The following PEX5 variants were observed in gnomAD, a reference collection of about 807,000 sequenced individuals.
PEX5 encodes the protein PTS1 receptor.
Under a neutral mutation model 82.9 loss-of-function variants are expected in PEX5, and 52 were observed. That is an observed-to-expected ratio of 0.63 (90% confidence interval 0.50 to 0.79). The LOEUF (loss-of-function observed/expected upper bound fraction) is 0.79. PEX5 is among the 30% of genes least tolerant of loss of function. The probability of loss-of-function intolerance (pLI) is 0.00; values close to 1 mark genes in which losing one functional copy is unlikely to be tolerated. For synonymous variants in PEX5, 300 were observed against 318.8 expected (o/e 0.94, Z 0.63); for missense variants, 719 against 815.2 (o/e 0.88, Z 1.44).
At position 7,190,354 on chromosome 12, in the gene PEX5, T is replaced by C. The variant is rs766321937; in HGVS notation, c.-16-8T>C. ...GTACCTCAGTTCCAAACCTCCTGTGTCCATCAGAGAGCTGGCGGTCACCAT... is the reference window on the plus strand; with the variant it reads ...GTACCTCAGTTCCAAACCTCCTGTGCCCATCAGAGAGCTGGCGGTCACCAT... On this transcript the variant is annotated splice_polypyrimidine_tract_variant and splice_region_variant and intron_variant, in intron 1 of 15. Transcript: ENST00000675855. The C allele has an allele frequency of 1.9e-6, 3 of 1,613,950 alleles. No homozygotes were observed. The highest frequency in any genetic ancestry group is 1.7e-6 in the Non-Finnish European group (2 of 1,179,928).
intron 1 of PEX5, 195 bp downstream of exon 1, chr12:7,189,945 C>T: frequency 1.3e-6 from 2 of 1,488,808 alleles, no homozygotes. Context: ...TGCTCCTCTG[C>T]CGTGCTCACC....
intron 5 of PEX5, among the ~76,000 whole-genome samples, chr12:7,197,281 TGTA>T (rs1441427739): frequency 1.4e-5 from 2 of 139,090 alleles, no homozygotes; most frequent in African/African-American, 5.2e-5. Flanking sequence ...TCATATATAA[TGTA>T]ATAATTATAT....
intron 17 of PEX5, among the ~76,000 whole-genome samples, chr12:7,217,047 T>C (rs114999678): frequency 9.9e-4 from 151 of 152,354 alleles, no homozygotes; most frequent in African/African-American, 3.6e-3. Context: ...AGTGTTTCAT[T>C]TGAAAAAACC....
chr12:7,208,644 C>T lies in PEX5; in HGVS notation c.1369C>T (p.Arg457Cys), dbSNP rs199544306. ...TGGGGCAGGACTGGGCCCCAGCAAG[C>T]GTATCCTGGGATCTCTCTTGTCTGA... The part of the protein sequence containing the change: ...AGGAGLGPSK[R>C]ILGSLLSDSL... Residue 457 changes from arginine (R) to cysteine (C), a missense_variant, in exon 13 of 16, where the codon CGT becomes TGT. Physicochemically the swap from Arg to Cys is radical, Grantham distance 180. Transcript: ENST00000675855. The T allele has an allele frequency of 1.2e-5, 20 of 1,613,686 alleles. No individual in the cohort carries two copies. In the East Asian group the frequency reaches 2.2e-4, roughly 18 times the overall value.
intron 15 of PEX5, 66 bp downstream of exon 15, chr12:7,209,906 ATTC>A: frequency 6.2e-7 from 1 of 1,604,368 alleles, no homozygotes; most frequent in Non-Finnish European, 8.5e-7. Context: ...CTAGCTCCTT[ATTC>A]TTAGATCCTG....
downstream of PEX5, among the ~76,000 whole-genome samples, chr12:7,213,118 G>A (rs9739801): frequency 0.45 from 67,249 of 150,946 alleles, 16,043 homozygotes; most frequent in Admixed American, 0.61. Flanking sequence ...TCATGGGTAG[G>A]AAGAATCAAT....
At chr12:7,197,432 C>CAATGTAATTATATATGTCATATAT (rs1565688987) in intron 5 of PEX5, among the ~76,000 whole-genome samples, 3,800 of 84,612 alleles carry the variant, frequency 0.045, 94 homozygotes, top group Non-Finnish European at 0.064. Context: ...ATGTCATATA[C>CAATGTAATTATATATGTCATATAT]AATGTAATTA....
intron 5 of PEX5, among the ~76,000 whole-genome samples, chr12:7,196,406 CAT>C (rs201454695): frequency 0.052 from 6,793 of 130,978 alleles, 382 homozygotes; most frequent in South Asian, 0.19. Flanking sequence ...ATATATGTGT[CAT>C]ATATAATGTA....
At chr12:7,191,047 T>C (rs1940999910) in intron 3 of PEX5, 124 bp downstream of exon 3, 1 of 1,179,458 alleles carries the variant, frequency 8.5e-7, no homozygotes, top group African/African-American at 1.5e-5. Flanking sequence ...GCCTGCTTGT[T>C]TTTAAATGTA....
At chr12:7,197,283 TAATA>T (rs1364764040) in intron 5 of PEX5, among the ~76,000 whole-genome samples, 7 of 138,726 alleles carry the variant, frequency 5.0e-5, no homozygotes, top group African/African-American at 1.8e-4. Context: ...ATATATAATG[TAATA>T]ATTATATATG....
chr12:7,196,432 C>T (rs867876847), intron 5 of PEX5, among the ~76,000 whole-genome samples: 48 of 131,092 alleles, frequency 3.7e-4, no homozygotes, highest in African/African-American at 6.0e-4. Context: ...ATTATATGTG[C>T]CATATATAAT....
chr12:7,193,562 G>A (rs1197990936), intron 5 of PEX5, among the ~76,000 whole-genome samples: 1 of 152,128 alleles, frequency 6.6e-6, no homozygotes, highest in South Asian at 2.1e-4. Flanking sequence ...ATTGCCGCAA[G>A]TTAAAATCTG....
At chr12:7,205,581 G>C (rs1944665678) in intron 10 of PEX5, among the ~76,000 whole-genome samples, 1 of 152,220 alleles carries the variant, frequency 6.6e-6, no homozygotes, top group Admixed American at 6.5e-5. Context: ...ACCAGACCGT[G>C]TATCAGATAA....
At chr12:7,212,951 T>A (rs1945665252), downstream of PEX5, 1 of 152,152 alleles carries the variant, frequency 6.6e-6, no homozygotes, top group Non-Finnish European at 1.5e-5. Flanking sequence ...GTGCAGGACA[T>A]GACAAAGTCT....
In PEX5 at chr12:7,208,033, C is replaced by A. The variant is rs142895892; in HGVS notation, c.1134C>A (p.Thr378=). 31 of 1,613,722 alleles carry A rather than the reference C, an allele frequency of 1.9e-5. No individual in the cohort carries two copies. The highest frequency in any genetic ancestry group is 2.5e-5 in the Non-Finnish European group (30 of 1,179,778). ...AGGCTTGGCAGTATCTGGGTACCAC[C>A]CAGGCAGAGAATGAACAAGAACTAT... The part of the protein sequence containing the change: ...HMEAWQYLGT[T]QAENEQELLA... The change falls in exon 12 of 16, where the codon ACC becomes ACA. Residue 378 remains threonine (T), a synonymous_variant. Transcript: ENST00000675855.
At chr12:7,190,665 G>T in intron 2 of PEX5, 141 bp downstream of exon 2, 1 of 1,534,774 alleles carries the variant, frequency 6.5e-7, no homozygotes, top group Admixed American at 1.9e-5. Flanking sequence ...TGAGGTGGAG[G>T]GGCTGTTTGC....
chr12:7,211,783 T>TTCAGTGCTTAGGGTTTCTA (rs1482889652), downstream of PEX5, among the ~76,000 whole-genome samples: 1 of 152,178 alleles, frequency 6.6e-6, no homozygotes, highest in East Asian at 1.9e-4. Context: ...TTGATAGTTT[T>TTCAGTGCTTAGGGTTTCTA]TCAGTGCTTA....
At position 7,197,158 on chromosome 12, in the gene PEX5, CATATATAATGTAATTATAT is replaced by C. The variant is rs1565686558; in HGVS notation, c.449-1850_449-1832del. 1.0e-4 allele frequency among the ~76,000 whole-genome samples: 11 copies of C among 105,292 alleles called. 3 individuals carry two copies. Among genetic ancestry groups the C allele is most frequent in the African/African-American group, 4.2e-4 (11 of 26,178 alleles). The allele number at this position is 105,292 out of a possible 152,430, so 69.1% of individuals were successfully genotyped here. ...TATATAATGTAATAATTATATATGT[CATATATAATGTAATTATAT>C]ATGTCATATATAATGTAATTATATA... On this transcript the variant is annotated intron_variant, in intron 5 of 15. Transcript: ENST00000675855.
rs918908425 is a variant in PEX5 at position 7,191,774 on chromosome 12, A to G, written c.448+74A>G. 2.7e-5 allele frequency: 38 copies of G among 1,418,656 alleles called. No individual in the cohort carries two copies. The East Asian group carries it at 3.2e-4, about 12-fold the overall frequency. The allele number at this position is 1,418,656 out of a possible 1,614,324, so 87.9% of individuals were successfully genotyped here. ...TCTATACCCTTCCCCTGTTCACGTTATAGTGTGATTACGATTTTTCTGGTC... is the reference window on the plus strand; with the variant it reads ...TCTATACCCTTCCCCTGTTCACGTTGTAGTGTGATTACGATTTTTCTGGTC... On this transcript the variant is annotated intron_variant, in intron 5 of 15. Transcript: ENST00000675855.
Sources: allele counts gnomAD v4.1 joint callset (sites outside exome capture counted in the v4.1 genomes callset), GRCh38; gene constraint gnomAD v4.1.1; transcripts MANE v1.5; gene names NCBI Gene and HGNC (gene_info 2026-07-23, HGNC 2026-07-21).